SOX6: variants seen among roughly 807,000 people sequenced by gnomAD.
SOX6 encodes transcription factor SOX-6.
SOX6 carries 11 observed loss-of-function variants against 97.8 expected under a neutral mutation model. The ratio of observed to expected loss-of-function variants is 0.11; its 90% CI spans 0.07 to 0.19. The LOEUF (loss-of-function observed/expected upper bound fraction) is 0.19. Ranked by LOEUF, SOX6 falls within the 10% of genes least tolerant of loss-of-function variation. The probability of loss-of-function intolerance (pLI) is 1.00; values close to 1 mark genes in which losing one functional copy is unlikely to be tolerated. For missense variants in SOX6, 810 were observed against 1,039.5 expected, an observed-to-expected ratio of 0.78 and a Z score of 3.04; for synonymous variants, 360 against 371.4, an observed-to-expected ratio of 0.97 and a Z score of 0.35.
intron 1 of SOX6, among the ~76,000 whole-genome samples, chr11:16,399,523 A>G (rs1260713533): frequency 2.0e-5 from 3 of 151,262 alleles, no homozygotes; most frequent in African/African-American, 7.3e-5. Flanking sequence ...TATAAGCCAT[A>G]TACAGTGAAA....
intron 1 of SOX6, among the ~76,000 whole-genome samples, chr11:16,348,908 C>T (rs1401775225): frequency 2.0e-5 from 3 of 152,060 alleles, no homozygotes; most frequent in Non-Finnish European, 2.9e-5. Flanking sequence ...TATCTCTACA[C>T]AAGTTTAGAA....
intron 10 of SOX6, among the ~76,000 whole-genome samples, chr11:16,050,620 C>T (rs1167787005): frequency 6.6e-6 from 1 of 152,124 alleles, no homozygotes; most frequent in Non-Finnish European, 1.5e-5. Context: ...AGTGATGTTT[C>T]TTTATATGCT....
intron 2 of SOX6, among the ~76,000 whole-genome samples, chr11:16,718,369 C>G (rs1204802240): frequency 6.6e-6 from 1 of 152,038 alleles, no homozygotes; most frequent in African/African-American, 2.4e-5. Flanking sequence ...TGAATTTCTT[C>G]TTTATTTGGT....
rs1389543229 is a variant in SOX6, at chr11:16,179,499, T to G, written c.777+4387A>C. Among the ~76,000 whole-genome samples, 10 of 152,008 alleles carry G rather than the reference T, an allele frequency of 6.6e-5. No individual in the cohort carries two copies. The East Asian group carries it at 1.9e-3, about 29-fold the overall frequency. ...AAAATAAGCAATATGTATTTCAACATTTAAAAGAAAAAGTTTTCAGATAAG... is the reference window on the plus strand; with the variant it reads ...AAAATAAGCAATATGTATTTCAACAGTTAAAAGAAAAAGTTTTCAGATAAG... On this transcript the variant is annotated intron_variant, in intron 6 of 15. Coordinates refer to ENST00000683767, the MANE Select transcript of SOX6 (RefSeq NM_001367873.1).
intron 1 of SOX6, among the ~76,000 whole-genome samples, chr11:16,395,183 T>C (rs1858314352): frequency 6.6e-6 from 1 of 151,826 alleles, no homozygotes; most frequent in Admixed American, 6.6e-5. Context: ...TGCAAGACCG[T>C]GTGTGCTACA....
chr11:16,538,139 C>T (rs1017357256), intron 4 of SOX6, among the ~76,000 whole-genome samples: 6 of 152,132 alleles, frequency 3.9e-5, no homozygotes, highest in Middle Eastern at 3.4e-3. Flanking sequence ...CTGCAGAAAC[C>T]GTACAAGCCA....
chr11:16,455,989 TAAAA>T (rs1859804043), intron 1 of SOX6, among the ~76,000 whole-genome samples: 1 of 152,076 alleles, frequency 6.6e-6, no homozygotes, highest in African/African-American at 2.4e-5. Context: ...AATGGGCAAC[TAAAA>T]ATACCCCAAA....
At chr11:16,460,294 G>T (rs1238837854) in intron 1 of SOX6, among the ~76,000 whole-genome samples, 1 of 151,824 alleles carries the variant, frequency 6.6e-6, no homozygotes, top group African/African-American at 2.4e-5. Flanking sequence ...GTAGCCTTTT[G>T]CTCCTCTTTT....
chr11:16,273,149 G>C (rs531729648), intron 3 of SOX6, among the ~76,000 whole-genome samples: 1 of 151,718 alleles, frequency 6.6e-6, no homozygotes, highest in African/African-American at 2.4e-5. Flanking sequence ...ATTACCAACA[G>C]CTACCAAACA....
chr11:16,455,621 C>T (rs569346295), intron 1 of SOX6, among the ~76,000 whole-genome samples: 10 of 152,112 alleles, frequency 6.6e-5, no homozygotes, highest in Non-Finnish European at 1.0e-4. Context: ...TTTTAAGGAG[C>T]AGGATCTTTC....
chr11:16,614,568 C>G (rs1267293647), intron 3 of SOX6, among the ~76,000 whole-genome samples: 1 of 152,148 alleles, frequency 6.6e-6, no homozygotes, highest in East Asian at 1.9e-4. Flanking sequence ...CCTATGGAAG[C>G]CTTTTTCGCT....
intron 3 of SOX6, among the ~76,000 whole-genome samples, chr11:16,286,231 A>G (rs1854738707): frequency 6.6e-6 from 1 of 152,140 alleles, no homozygotes; most frequent in South Asian, 2.1e-4. Flanking sequence ...AAAGCATCTC[A>G]GTGTGTACTG....
chr11:15,994,709 C>T (rs951490354), intron 13 of SOX6, among the ~76,000 whole-genome samples: 1 of 152,104 alleles, frequency 6.6e-6, no homozygotes, highest in South Asian at 2.1e-4. Context: ...TTAAAACTTA[C>T]ATTTTGTCAG....
chr11:16,250,431 A>G (rs1394256399), intron 3 of SOX6, among the ~76,000 whole-genome samples: 1 of 152,174 alleles, frequency 6.6e-6, no homozygotes, highest in Non-Finnish European at 1.5e-5. Flanking sequence ...AAAGAAAGAT[A>G]GTAAAAAGCG....
At position 16,182,250 on chromosome 11, in the gene SOX6, TAAAC is replaced by T. The variant is rs371754031; in HGVS notation, c.777+1632_777+1635del. On this transcript the variant is annotated intron_variant, in intron 6 of 15. Transcript: ENST00000683767. ...AGAAGTAAAATATATTAGAAAAGAATAAACAAGTAAGTTATAAAGCAGTAGTAAA... is the reference window on the plus strand; with the variant it reads ...AGAAGTAAAATATATTAGAAAAGAATAAGTAAGTTATAAAGCAGTAGTAAA... 2.4e-3 allele frequency among the ~76,000 whole-genome samples: 368 copies of T among 151,942 alleles called. 7 individuals carry two copies. The highest frequency in any genetic ancestry group is 8.5e-3 in the African/African-American group (354 of 41,516).
At chr11:16,100,754 TA>T (rs796260198) in intron 7 of SOX6, among the ~76,000 whole-genome samples, 3,181 of 138,228 alleles carry the variant, frequency 0.023, 71 homozygotes, top group African/African-American at 0.059. Flanking sequence ...GTCTACCTTT[TA>T]AAAAAAAAAA....
chr11:16,349,693 G>GAAGGAAGGAAGGA (rs1565105602), intron 1 of SOX6, among the ~76,000 whole-genome samples: 5 of 50,214 alleles, frequency 1.0e-4, no homozygotes, highest in Non-Finnish European at 2.0e-4. Flanking sequence ...AGGAAGGAAG[G>GAAGGAAGGAAGGA]AAGGAAGGAA....
intron 4 of SOX6, among the ~76,000 whole-genome samples, chr11:16,513,663 C>G (rs1230876870): frequency 2.0e-5 from 3 of 151,910 alleles, no homozygotes; most frequent in African/African-American, 7.3e-5. Flanking sequence ...AACAAACCAG[C>G]AAACGATGTA....
At chr11:16,612,035 C>A (rs757800051) in intron 4 of SOX6, 15 of 152,654 alleles carry the variant, frequency 9.8e-5, no homozygotes, top group Admixed American at 7.2e-4. Flanking sequence ...CTAGGGAGTG[C>A]GTGGCTGGAA....
Sources: allele counts gnomAD v4.1 joint callset (sites outside exome capture counted in the v4.1 genomes callset), GRCh38; gene constraint gnomAD v4.1.1; transcripts MANE v1.5; gene names NCBI Gene and HGNC (gene_info 2026-07-23, HGNC 2026-07-21).